SLC25A48: variants seen among roughly 807,000 people sequenced by gnomAD.
The protein encoded by SLC25A48 is solute carrier family 25 member 48, also known as CTC-321K16.1.
In SLC25A48, 29 loss-of-function variants were observed where a neutral mutation model predicts 32.2. The ratio of observed to expected loss-of-function variants is 0.90; its 90% CI spans 0.67 to 1.23. The LOEUF (loss-of-function observed/expected upper bound fraction) is 1.23, where lower values mean the gene tolerates loss of function less well. Among genes scored for constraint, SLC25A48 ranks in the 50% most tolerant of loss-of-function variants. SLC25A48 has a pLI of 0.00. For synonymous variants in SLC25A48, 164 were observed against 172.3 expected (o/e 0.95, Z 0.38); for missense variants, 399 against 422.7 (o/e 0.94, Z 0.49).
intron 3 of SLC25A48, among the ~76,000 whole-genome samples, chr5:135,701,057 G>A (rs1234975833): frequency 6.6e-6 from 1 of 152,162 alleles, no homozygotes; most frequent in Non-Finnish European, 1.5e-5. Context: ...AGTGACCTGG[G>A]GACCTGCAGC....
At chr5:135,886,060 A>C (rs6864698) in intron 7 of SLC25A48, among the ~76,000 whole-genome samples, 21,462 of 152,162 alleles carry the variant, frequency 0.14, 1,614 homozygotes, top group African/African-American at 0.2. Context: ...TCAGTTCCGA[A>C]TTTGATGTTG....
chr5:135,724,404 G>GC (rs113479855), intron 3 of SLC25A48, among the ~76,000 whole-genome samples: 41,845 of 152,100 alleles, frequency 0.28, 6,027 homozygotes, highest in East Asian at 0.47. Flanking sequence ...GTAGGCGTGA[G>GC]CCCCTGCGCC....
chr5:135,774,774 C>G (rs1017767134), intron 3 of SLC25A48, among the ~76,000 whole-genome samples: 3 of 151,376 alleles, frequency 2.0e-5, no homozygotes, highest in Non-Finnish European at 3.0e-5. Context: ...ATCATAATAT[C>G]CAGAGGAGAA....
At chr5:135,626,873 C>A (rs533567459) in intron 1 of SLC25A48, among the ~76,000 whole-genome samples, 1 of 152,278 alleles carries the variant, frequency 6.6e-6, no homozygotes, top group Non-Finnish European at 1.5e-5. Flanking sequence ...TTGTCCAGGC[C>A]AGACCTTCCG....
At chr5:135,618,082 A>G (rs1752231032) in intron 1 of SLC25A48, among the ~76,000 whole-genome samples, 2 of 151,008 alleles carry the variant, frequency 1.3e-5, no homozygotes, top group Admixed American at 1.3e-4. Flanking sequence ...TTTTGCTTCA[A>G]ATATCTGTGT....
intron 1 of SLC25A48, among the ~76,000 whole-genome samples, chr5:135,625,353 G>T (rs1752420249): frequency 6.6e-6 from 1 of 152,154 alleles, no homozygotes; most frequent in African/African-American, 2.4e-5. Flanking sequence ...ATGAAGTGGA[G>T]GAGTGGGGAC....
chr5:135,785,838 T>C (rs1486556420), intron 3 of SLC25A48, among the ~76,000 whole-genome samples: 1 of 148,014 alleles, frequency 6.8e-6, no homozygotes, highest in African/African-American at 2.5e-5. Flanking sequence ...GTGGAACACC[T>C]CTTTTGCCTC....
intron 3 of SLC25A48, among the ~76,000 whole-genome samples, chr5:135,766,220 T>C (rs1756221998): frequency 6.6e-6 from 1 of 151,752 alleles, no homozygotes; most frequent in African/African-American, 2.4e-5. Flanking sequence ...GAGGGTGATA[T>C]TACTCCCCAT....
At chr5:135,772,617 G>A (rs1756443081) in intron 3 of SLC25A48, among the ~76,000 whole-genome samples, 1 of 146,974 alleles carries the variant, frequency 6.8e-6, no homozygotes, top group Non-Finnish European at 1.5e-5. Context: ...TGATATTGTT[G>A]GTAATAACTG....
At chr5:135,869,721 A>G (rs1761488371) in intron 4 of SLC25A48, among the ~76,000 whole-genome samples, 1 of 152,160 alleles carries the variant, frequency 6.6e-6, no homozygotes, top group Non-Finnish European at 1.5e-5. Flanking sequence ...TGGAAGAGGA[A>G]GGGGTGCCTA....
At chr5:135,686,562 C>T (rs910256182) in intron 3 of SLC25A48, among the ~76,000 whole-genome samples, 7 of 152,244 alleles carry the variant, frequency 4.6e-5, no homozygotes, top group Non-Finnish European at 8.8e-5. Flanking sequence ...GTACTTCATG[C>T]TTCTCATTTG....
At chr5:135,856,928 C>G (rs558307334) in intron 4 of SLC25A48, among the ~76,000 whole-genome samples, 1 of 152,102 alleles carries the variant, frequency 6.6e-6, no homozygotes, top group Non-Finnish European at 1.5e-5. Flanking sequence ...CGTCTTAAAA[C>G]TGTTTGGGGT....
chr5:135,822,704 C>A (rs1209348420), intron 4 of SLC25A48, among the ~76,000 whole-genome samples: 1 of 152,226 alleles, frequency 6.6e-6, no homozygotes, highest in African/African-American at 2.4e-5. Context: ...AGTGCCAGGG[C>A]TTAAGACTTG....
chr5:135,697,825 G>A (rs866869998), intron 3 of SLC25A48, among the ~76,000 whole-genome samples: 12 of 152,176 alleles, frequency 7.9e-5, no homozygotes, highest in African/African-American at 2.9e-4. Flanking sequence ...GCTGCCAGGT[G>A]AGCTGCCAGG....
At chr5:135,724,042 C>T (rs1396166859) in intron 3 of SLC25A48, among the ~76,000 whole-genome samples, 1 of 152,132 alleles carries the variant, frequency 6.6e-6, no homozygotes, top group Non-Finnish European at 1.5e-5. Flanking sequence ...AGCCCAGATC[C>T]CTTGCACACA....
chr5:135,681,428 A>C (rs1329936846), intron 3 of SLC25A48, among the ~76,000 whole-genome samples: 1 of 152,222 alleles, frequency 6.6e-6, no homozygotes, highest in Non-Finnish European at 1.5e-5. Context: ...CTTTTATCTT[A>C]CATGTCTCTC....
At chr5:135,881,171 T>C (rs417168) in intron 7 of SLC25A48, among the ~76,000 whole-genome samples, 37,656 of 152,036 alleles carry the variant, frequency 0.25, 5,830 homozygotes, top group African/African-American at 0.43. Context: ...ACCGGCTACC[T>C]GCAAAGCTCA....
rs561665292 is a variant in SLC25A48, at chr5:135,745,551, C to A, written c.-520-66972C>A. 2.7e-4 allele frequency among the ~76,000 whole-genome samples: 41 copies of A among 152,078 alleles called. 1 individual carries two copies. Among genetic ancestry groups the A allele is most frequent in the African/African-American group, 9.6e-4 (40 of 41,466 alleles). On this transcript the variant is annotated intron_variant, in intron 3 of 10. Coordinates refer to the SLC25A48 transcript ENST00000646290. ...AGATTCCCTCTGGAAAAAAGGCCAG[C>A]GGGGGTGGTGGGAAGAAAAAAAAAG... is the stretch of plus-strand genomic sequence containing the variant.
upstream of SLC25A48, chr5:135,834,560 G>A (rs1056530822): frequency 4.4e-6 from 2 of 452,800 alleles, no homozygotes; most frequent in Non-Finnish European, 7.8e-6. Context: ...GATGACCCTT[G>A]CCTCTTTGTG....
Sources: gnomAD v4.1 joint callset for allele counts (sites outside exome capture counted in the v4.1 genomes callset) on GRCh38, gnomAD v4.1.1 for gene constraint, MANE v1.5 for transcripts, NCBI Gene and HGNC (gene_info 2026-07-23, HGNC 2026-07-21) for gene names.